Variants in FCHO1 observed in about 807,000 individuals in gnomAD.
FCHO1 encodes FCH and mu domain containing endocytic adaptor 1, also known as F-BAR domain only protein 1.
In FCHO1, 45 loss-of-function variants were observed where a neutral mutation model predicts 114.4. That is an observed-to-expected ratio of 0.39 (90% CI 0.31 to 0.50). The LOEUF (loss-of-function observed/expected upper bound fraction) is 0.50, where lower values mean the gene tolerates loss of function less well. FCHO1 is among the 20% of genes least tolerant of loss of function. FCHO1 has a pLI of 0.77. For synonymous variants in FCHO1, 480 were observed against 488.9 expected, an observed-to-expected ratio of 0.98 and a Z score of 0.24; for missense variants, 1,042 against 1,209.6, an observed-to-expected ratio of 0.86 and a Z score of 2.06.
chr19:17,759,752 G>A (rs148126269), intron 4 of FCHO1, among the ~76,000 whole-genome samples: 1 of 151,586 alleles, frequency 6.6e-6, no homozygotes, highest in Non-Finnish European at 1.5e-5. Context: ...GACCAACATG[G>A]TGAAACCCTG....
Position 17,776,030 on chromosome 19 carries a change from G to A in FCHO1, c.1051G>A (p.Asp351Asn), listed in dbSNP as rs780189734. The change falls in exon 16 of 29, where the codon GAT becomes AAT. Residue 351 changes from aspartate to asparagine, a missense_variant. Physicochemically the swap from Asp to Asn is conservative, Grantham distance 23. Transcript: ENST00000596536. The surrounding 1 kb of genome is among the most constrained non-coding windows in gnomAD (Gnocchi z 4.4). ...RFSSSDSDFDDEEPRKFYVHI... is the reference protein window; with the variant it reads ...RFSSSDSDFDNEEPRKFYVHI... ...CTCGTCCAGCGACTCCGACTTCGAC[G>A]ATGAAGAGCCCCGCAAGTTCTATGT... 41 of 1,609,792 alleles carry A rather than the reference G, an allele frequency of 2.5e-5. No homozygotes were observed. The highest frequency in any genetic ancestry group is 5.0e-5 in the Admixed American group (3 of 59,992).
chr19:17,752,184 C>T (rs2082130167), intron 1 of FCHO1: 1 of 152,156 alleles, frequency 6.6e-6, no homozygotes, highest in Non-Finnish European at 1.5e-5. Flanking sequence ...GCTACTGAGC[C>T]TTGGAAGAGA....
In FCHO1 at chr19:17,760,822, C is replaced by A. The variant is rs566591782; in HGVS notation, c.28-1940C>A. On this transcript the variant is annotated intron_variant, in intron 4 of 28. Coordinates refer to ENST00000596536, the MANE Select transcript of FCHO1 (RefSeq NM_015122.3). ...CTGCCACCATGCTTGGCTAATTTTG[C>A]ATTTTTAGTAAACACGGGGTTTCAC... Among the ~76,000 whole-genome samples the A allele has an allele frequency of 7.9e-5, 12 of 152,048 alleles. No homozygotes were observed. The East Asian group carries it at 2.3e-3, about 30-fold the overall frequency.
chr19:17,750,257 GT>G (rs2081563765), upstream of FCHO1, among the ~76,000 whole-genome samples: 1 of 152,078 alleles, frequency 6.6e-6, no homozygotes, highest in African/African-American at 2.4e-5. Context: ...GGAGACTTGG[GT>G]TCTAGCAGGG....
chr19:17,770,933 A>C, intron 9 of FCHO1, 37 bp downstream of exon 9: 2 of 1,554,758 alleles, frequency 1.3e-6, no homozygotes, highest in Non-Finnish European at 1.8e-6. Flanking sequence ...AGACCCACAC[A>C]TGCCTTTGCC....
intron 6 of FCHO1, among the ~76,000 whole-genome samples, chr19:17,765,544 G>T (rs1353461638): frequency 1.3e-5 from 2 of 151,990 alleles, no homozygotes; most frequent in Non-Finnish European, 2.9e-5. Flanking sequence ...ATGGTGGCAT[G>T]TGCCTGCAGT....
intron 27 of FCHO1, 37 bp downstream of exon 27, chr19:17,786,666 G>GGGCA: frequency 6.0e-6 from 3 of 496,986 alleles, no homozygotes; most frequent in Non-Finnish European, 1.2e-5. Flanking sequence ...GGGTGGGAGG[G>GGGCA]ACTGGGGTCA....
rs545023512 is a variant in FCHO1, at chr19:17,764,871, G to A, written c.194+422G>A. Among the ~76,000 whole-genome samples, 41 of 152,096 alleles carry A rather than the reference G, an allele frequency of 2.7e-4. 1 individual carries two copies. The South Asian group carries it at 8.3e-3, about 31-fold the overall frequency. On this transcript the variant is annotated intron_variant, in intron 6 of 28. Coordinates refer to ENST00000596536, the MANE Select transcript of FCHO1 (RefSeq NM_015122.3). ...ACCGGAGGTCAGGAGTTCAAGACCA[G>A]CCTGGGCAACATGGTGAAACTCCTC... is the stretch of plus-strand genomic sequence containing the variant.
At chr19:17,754,987 G>T (rs2082956661) in intron 3 of FCHO1, 131 bp from the exon 4 acceptor site, 3 of 703,492 alleles carry the variant, frequency 4.3e-6, no homozygotes, top group Non-Finnish European at 7.8e-6. Flanking sequence ...AGGGGTCCTG[G>T]CATGCTCTTA....
chr19:17,760,493 T>G (rs968282505), intron 4 of FCHO1, among the ~76,000 whole-genome samples: 4 of 152,170 alleles, frequency 2.6e-5, no homozygotes, highest in Non-Finnish European at 5.9e-5. Flanking sequence ...CAATTTTCCA[T>G]TGAGAGTGGC....
intron 27 of FCHO1, 131 bp from the exon 28 acceptor site, chr19:17,787,551 T>A: frequency 9.8e-7 from 1 of 1,015,664 alleles, no homozygotes; most frequent in South Asian, 1.8e-5. Context: ...ATGCAGGGGA[T>A]CAAAGGGAGG....
intron 18 of FCHO1, among the ~76,000 whole-genome samples, chr19:17,777,405 A>G (rs12983732): frequency 0.9 from 135,892 of 151,394 alleles, 61,271 homozygotes; most frequent in Middle Eastern, 0.97. Context: ...GCATGGTGGC[A>G]CATGCCTGTA....
intron 7 of FCHO1, among the ~76,000 whole-genome samples, chr19:17,769,007 G>A (rs542857307): frequency 1.3e-5 from 2 of 151,592 alleles, no homozygotes; most frequent in African/African-American, 4.8e-5. Flanking sequence ...TGGGCACAGT[G>A]ACTTATGTCT....
chr19:17,755,077 C>T, intron 3 of FCHO1, 41 bp from the exon 4 acceptor site: 3 of 1,305,962 alleles, frequency 2.3e-6, no homozygotes, highest in South Asian at 2.4e-5. Flanking sequence ...CAAGCCCACA[C>T]TGGCAATGAC....
chr19:17,767,046 C>G (rs1475871652), intron 7 of FCHO1, among the ~76,000 whole-genome samples: 1 of 151,774 alleles, frequency 6.6e-6, no homozygotes, highest in Non-Finnish European at 1.5e-5. Flanking sequence ...CCGCCCACCC[C>G]CCACCAATGT....
At chr19:17,766,424 G>A (rs918895168) in intron 6 of FCHO1, 2 of 417,122 alleles carry the variant, frequency 4.8e-6, no homozygotes, top group Non-Finnish European at 8.7e-6. Context: ...CAGGGCCTGC[G>A]TTTAAATTCC....
At position 17,781,328 on chromosome 19, in the gene FCHO1, T is replaced by C. The variant is rs758186306; in HGVS notation, c.1725T>C (p.Arg575=). Residue 575 remains arginine (R), a synonymous_variant, in exon 21 of 29, where the codon CGT becomes CGC. Transcript: ENST00000596536. The part of the protein sequence containing the change: ...RSRKVSCPLT[R]SNGDLSRSLS... ...GGAAGGTGTCCTGCCCTCTCACACG[T>C]AGCAATGGGGACCTGGTAGGTGAGG... is the stretch of plus-strand genomic sequence containing the variant. 11 of 1,613,718 alleles carry C rather than the reference T, an allele frequency of 6.8e-6. No homozygotes were observed. In the East Asian group the frequency reaches 2.2e-4, roughly 33 times the overall value.
intron 5 of FCHO1, 63 bp downstream of exon 5, chr19:17,762,916 A>C (rs1287010677): frequency 1.8e-6 from 2 of 1,124,476 alleles, no homozygotes; most frequent in Non-Finnish European, 2.7e-6. Flanking sequence ...ACGCCCACCT[A>C]ATGGCTACGC....
At chr19:17,764,234 T>C in intron 5 of FCHO1, 141 bp from the exon 6 acceptor site, 1 of 737,594 alleles carries the variant, frequency 1.4e-6, no homozygotes, top group South Asian at 1.6e-5. Flanking sequence ...AGAGACAGGG[T>C]TTCACCAAGT....
Sources: gnomAD v4.1 joint callset for allele counts (sites outside exome capture counted in the v4.1 genomes callset) on GRCh38, gnomAD v4.1.1 for gene constraint, Gnocchi (gnomAD v3.1) non-coding constraint, MANE v1.5 for transcripts, NCBI Gene and HGNC (gene_info 2026-07-23, HGNC 2026-07-21) for gene names.